SPECC1L: variants seen among roughly 807,000 people sequenced by gnomAD.
SPECC1L encodes the protein sperm antigen with calponin homology and coiled-coil domains 1 like, also known as cytospin-A.
SPECC1L carries 40 observed loss-of-function variants against 116.8 expected under a neutral mutation model. The ratio of observed to expected loss-of-function variants is 0.34; its 90% CI spans 0.27 to 0.45. SPECC1L has a LOEUF of 0.45. SPECC1L is among the 20% of genes least tolerant of loss of function. SPECC1L has a pLI of 1.00. For missense variants in SPECC1L, 1,110 were observed against 1,373.6 expected (o/e 0.81, Z 3.03); for synonymous variants, 504 against 500.6 (o/e 1.01, Z -0.09).
At chr22:24,346,765 A>G (rs1464137961) in intron 10 of SPECC1L, among the ~76,000 whole-genome samples, 1 of 152,188 alleles carries the variant, frequency 6.6e-6, no homozygotes, top group Non-Finnish European at 1.5e-5. Flanking sequence ...GTATTTGGCT[A>G]ATGTCAAAAT....
chr22:24,317,854 C>T lies in SPECC1L; in HGVS notation c.308-3434C>T, dbSNP rs567388021. Among the ~76,000 whole-genome samples the T allele has an allele frequency of 3.3e-5, 5 of 151,180 alleles. No homozygotes were observed. In the East Asian group the frequency reaches 8.0e-4, roughly 24 times the overall value. ...CTCCTCACTTCTCAGATGGTGCGGC[C>T]GGGCAGAGACGCTCCTCACATCCCG... On this transcript the variant is annotated intron_variant, in intron 4 of 16. Coordinates refer to ENST00000314328, the MANE Select transcript of SPECC1L (RefSeq NM_015330.6).
Position 24,338,447 on chromosome 22 carries a change from C to A in SPECC1L, c.2622C>A (p.Thr874=). The A allele has an allele frequency of 6.2e-7, 1 of 1,614,086 alleles. No individual in the cohort carries two copies. The highest frequency in any genetic ancestry group is 8.5e-7 in the Non-Finnish European group (1 of 1,179,988). ...CCCTGAGCCCAAGTCCTATGAAAAC[C>A]CCTCCTGCAGCAGCTGTGTCCCCTA... ...RTPLSPSPMK[T]PPAAAVSPMQ... Residue 874 remains threonine (T), a synonymous_variant, in exon 10 of 17, where the codon ACC becomes ACA. Transcript: ENST00000314328.
chr22:24,322,818 G>A lies in SPECC1L; in HGVS notation c.1838G>A (p.Arg613Lys). 1 of 1,608,716 alleles carries A rather than the reference G, an allele frequency of 6.2e-7. No homozygotes were observed. The highest frequency in any genetic ancestry group is 8.5e-7 in the Non-Finnish European group (1 of 1,177,364). ...ATTCAGGACCTCCTGGAGAGTGTCA[G>A]GCTGGACAAAGAAAAAGCAGAGACT... The part of the protein sequence containing the change: ...SDIQDLLESV[R>K]LDKEKAETLA... Residue 613 changes from arginine to lysine, a missense_variant, in exon 5 of 17, where the codon AGG (arginine) becomes AAG (lysine). By Grantham distance (26) the Arg-to-Lys change is conservative. This residue lies in a region of SPECC1L where 575 missense variants were observed against 682.4 expected (regional missense o/e 0.84). Transcript: ENST00000314328.
chr22:24,351,660 A>G (rs1185398336), intron 11 of SPECC1L, among the ~76,000 whole-genome samples: 2 of 152,308 alleles, frequency 1.3e-5, no homozygotes, highest in South Asian at 2.1e-4. Flanking sequence ...TTAAACAGTC[A>G]TTCAAGAAAA....
Position 24,321,395 on chromosome 22 carries a change from CCTT to C in SPECC1L, c.418_420del (p.Ser140del). On this transcript the variant is annotated inframe_deletion, in exon 5 of 17. Coordinates refer to ENST00000314328, the MANE Select transcript of SPECC1L (RefSeq NM_015330.6). ...CCGATTAAACCAGAGCAAAAAACTA[CCTT>C]CTGCAGGTCAGGGAGCTAATGACAT... 1 of 1,614,250 alleles carries C rather than the reference CCTT, an allele frequency of 6.2e-7. No individual in the cohort carries two copies. The highest frequency in any genetic ancestry group is 1.1e-5 in the South Asian group (1 of 91,086).
At chr22:24,407,197 T>A (rs1295399076) in intron 14 of SPECC1L, among the ~76,000 whole-genome samples, 1 of 152,198 alleles carries the variant, frequency 6.6e-6, no homozygotes, top group Non-Finnish European at 1.5e-5. Flanking sequence ...TGGGCTTTAC[T>A]TGTATTGATA....
chr22:24,373,387 A>G (rs2041908576), intron 14 of SPECC1L, among the ~76,000 whole-genome samples: 1 of 152,238 alleles, frequency 6.6e-6, no homozygotes, highest in Admixed American at 6.5e-5. Context: ...CTACAAGGCT[A>G]CAGTAACCAA....
chr22:24,324,625 C>T (rs1458106597), intron 6 of SPECC1L, among the ~76,000 whole-genome samples, 198 bp downstream of exon 6: 1 of 152,094 alleles, frequency 6.6e-6, no homozygotes, highest in Non-Finnish European at 1.5e-5. Context: ...CCAAGGCAGG[C>T]AGATCACTTG....
At chr22:24,361,426 G>T (rs2041640704) in intron 11 of SPECC1L, among the ~76,000 whole-genome samples, 1 of 151,980 alleles carries the variant, frequency 6.6e-6, no homozygotes. Flanking sequence ...AAAGAGGCTG[G>T]GTGAAATGGC....
intron 11 of SPECC1L, among the ~76,000 whole-genome samples, chr22:24,359,799 G>T (rs1035847682): frequency 2.0e-5 from 3 of 152,166 alleles, no homozygotes; most frequent in Non-Finnish European, 2.9e-5. Flanking sequence ...CCTGCATAAA[G>T]ACTATTAATT....
chr22:24,328,138 C>G (rs569391871), intron 6 of SPECC1L, among the ~76,000 whole-genome samples: 14 of 152,242 alleles, frequency 9.2e-5, no homozygotes, highest in African/African-American at 3.1e-4. Context: ...AAGGTGACTT[C>G]CCTTTACGTT....
intron 1 of SPECC1L, among the ~76,000 whole-genome samples, chr22:24,273,886 G>A (rs1411545232): frequency 4.6e-5 from 7 of 152,222 alleles, no homozygotes; most frequent in Non-Finnish European, 1.0e-4. Context: ...AGCCTCCCAA[G>A]TAGGTGGGAT....
At chr22:24,362,767 C>G (rs1054296276) in intron 11 of SPECC1L, among the ~76,000 whole-genome samples, 2 of 152,178 alleles carry the variant, frequency 1.3e-5, no homozygotes, top group Non-Finnish European at 2.9e-5. Context: ...GAAGCCTACC[C>G]TGCTGCCTGA....
Position 24,378,421 on chromosome 22 carries a change from A to G in SPECC1L, c.3087+9101A>G, listed in dbSNP as rs554608441. Among the ~76,000 whole-genome samples the G allele has an allele frequency of 3.8e-4, 58 of 152,330 alleles. 3 individuals are homozygous for G. In the South Asian group the frequency reaches 0.012, roughly 30 times the overall value. ...GCTGTTTTGCTATCTTATCATTTGT[A>G]TATTCAGTGGTATAGCACTTTTAAT... On this transcript the variant is annotated intron_variant, in intron 14 of 16. Coordinates refer to ENST00000314328, the MANE Select transcript of SPECC1L (RefSeq NM_015330.6).
chr22:24,297,184 C>T (rs1451653496), intron 2 of SPECC1L, among the ~76,000 whole-genome samples: 18 of 150,190 alleles, frequency 1.2e-4, no homozygotes, highest in Admixed American at 1.3e-4. Flanking sequence ...GATCCATCCA[C>T]GGCCTCCCAA....
chr22:24,351,357 TG>T (rs1173742363), intron 11 of SPECC1L, among the ~76,000 whole-genome samples: 1 of 152,232 alleles, frequency 6.6e-6, no homozygotes, highest in Non-Finnish European at 1.5e-5. Flanking sequence ...CCTTGGCTTT[TG>T]TGGGTGGAGA....
At chr22:24,346,740 A>G (rs921359173) in intron 10 of SPECC1L, among the ~76,000 whole-genome samples, 1 of 152,160 alleles carries the variant, frequency 6.6e-6, no homozygotes, top group Admixed American at 6.5e-5. Flanking sequence ...ACTATATAAG[A>G]TAATGACTAT....
At chr22:24,336,317 G>A (rs944814621) in intron 9 of SPECC1L, among the ~76,000 whole-genome samples, 19 of 151,766 alleles carry the variant, frequency 1.3e-4, no homozygotes, top group African/African-American at 4.6e-4. Context: ...AGTGTGTGTG[G>A]TCTTGTTTTT....
Position 24,329,751 on chromosome 22 carries a change from A to G in SPECC1L, c.2221-505A>G, listed in dbSNP as rs1362833936. On this transcript the variant is annotated intron_variant, in intron 7 of 16. Transcript: ENST00000314328. ...TCTTTGTATAATTTTGCCTGCCTAT[A>G]TTGAGTTTAGTGTTTTTCTTCTGGC... Among the ~76,000 whole-genome samples the G allele has an allele frequency of 3.3e-5, 5 of 151,764 alleles. No individual in the cohort carries two copies. In the South Asian group the frequency reaches 6.2e-4, roughly 19 times the overall value.
Sources: allele counts gnomAD v4.1 joint callset (sites outside exome capture counted in the v4.1 genomes callset), GRCh38; gene constraint gnomAD v4.1.1; regional missense constraint gnomAD v4.1.1; transcripts MANE v1.5; gene names NCBI Gene and HGNC (gene_info 2026-07-23, HGNC 2026-07-21).